The following ADK variants were observed in gnomAD, a reference collection of about 807,000 sequenced individuals.
The protein encoded by ADK is N6,N6-dimethyladenosine kinase.
ADK carries 24 observed loss-of-function variants against 44.7 expected under a neutral mutation model. That is an observed-to-expected ratio of 0.54 (90% CI 0.39 to 0.76). The LOEUF (loss-of-function observed/expected upper bound fraction) is 0.76, where lower values mean the gene tolerates loss of function less well. Ranked by LOEUF, ADK falls within the 30% of genes least tolerant of loss-of-function variation. ADK has a pLI of 0.00. For synonymous variants in ADK, 128 were observed against 142.6 expected (o/e 0.90, Z 0.73); for missense variants, 321 against 425.1 (o/e 0.76, Z 2.15).
chr10:74,368,625 T>C (rs1188579243), intron 4 of ADK, among the ~76,000 whole-genome samples: 1 of 151,968 alleles, frequency 6.6e-6, no homozygotes, highest in Non-Finnish European at 1.5e-5. Flanking sequence ...AGTTTCTGTC[T>C]GAAATATTCT....
At chr10:74,365,552 G>A (rs1273710213) in intron 4 of ADK, among the ~76,000 whole-genome samples, 1 of 152,110 alleles carries the variant, frequency 6.6e-6, no homozygotes, top group Non-Finnish European at 1.5e-5. Flanking sequence ...TCTGCCTTTT[G>A]AATGCCTGAT....
Position 74,568,882 on chromosome 10 carries a change from C to T in ADK, c.727-20400C>T, listed in dbSNP as rs185968107. ...TGTTGGTGTGCTGCACCCAGTGACT[C>T]GTCATTTAACATTAGGTATATCTCC... On this transcript the variant is annotated intron_variant, in intron 7 of 10. Transcript: ENST00000539909. Among the ~76,000 whole-genome samples the T allele has an allele frequency of 4.0e-3, 609 of 151,602 alleles. 8 individuals are homozygous for T. The highest frequency in any genetic ancestry group is 0.013 in the African/African-American group (542 of 41,292).
chr10:74,554,209 CT>C (rs962230926), intron 7 of ADK, among the ~76,000 whole-genome samples: 18 of 151,954 alleles, frequency 1.2e-4, no homozygotes, highest in Admixed American at 8.5e-4. Flanking sequence ...CCCTCCTGTC[CT>C]TTTTTTATTA....
intron 9 of ADK, among the ~76,000 whole-genome samples, chr10:74,631,423 G>T (rs866576891): frequency 1.4e-3 from 182 of 132,596 alleles, no homozygotes; most frequent in East Asian, 3.7e-3. Context: ...TTTTTGTTTT[G>T]TTTTTTTTTT....
chr10:74,215,468 G>T (rs1017901691), intron 2 of ADK, among the ~76,000 whole-genome samples: 1 of 151,098 alleles, frequency 6.6e-6, no homozygotes, highest in Non-Finnish European at 1.5e-5. Context: ...CTGCCACCAC[G>T]CCTGGCTAAT....
chr10:74,570,956 C>T (rs575219145), intron 7 of ADK, among the ~76,000 whole-genome samples: 7 of 152,224 alleles, frequency 4.6e-5, no homozygotes, highest in Admixed American at 1.3e-4. Context: ...TTTTGAGATA[C>T]GTCCCATCAA....
intron 1 of ADK, among the ~76,000 whole-genome samples, chr10:74,182,257 A>G (rs1419722791): frequency 6.6e-6 from 1 of 150,468 alleles, no homozygotes; most frequent in African/African-American, 2.5e-5. Flanking sequence ...AATTTTTTTT[A>G]TGCTGTGGGA....
chr10:74,359,637 G>A (rs983681640), intron 4 of ADK, among the ~76,000 whole-genome samples: 3 of 152,148 alleles, frequency 2.0e-5, no homozygotes, highest in African/African-American at 7.2e-5. Flanking sequence ...TTGGGCCCAG[G>A]TGGTCAAGGC....
chr10:74,596,941 T>C (rs1851947060), intron 8 of ADK, among the ~76,000 whole-genome samples: 1 of 152,214 alleles, frequency 6.6e-6, no homozygotes. Context: ...GAAGTTAAGA[T>C]TTAATGAGCA....
intron 6 of ADK, among the ~76,000 whole-genome samples, chr10:74,481,789 C>T (rs1338244820): frequency 6.6e-6 from 1 of 152,050 alleles, no homozygotes; most frequent in Non-Finnish European, 1.5e-5. Flanking sequence ...AGCTATTTTA[C>T]ATGAGGTTTA....
chr10:74,361,132 C>T (rs1025828243), intron 4 of ADK, among the ~76,000 whole-genome samples: 3 of 152,162 alleles, frequency 2.0e-5, no homozygotes, highest in South Asian at 2.1e-4. Flanking sequence ...TCTCAAACTC[C>T]GGACCTCATG....
intron 8 of ADK, among the ~76,000 whole-genome samples, 180 bp downstream of exon 8, chr10:74,589,497 T>C (rs1851644645): frequency 6.6e-6 from 1 of 152,180 alleles, no homozygotes; most frequent in Non-Finnish European, 1.5e-5. Flanking sequence ...TATGACGCAC[T>C]CTGCTAGGTC....
At chr10:74,304,501 G>A (rs1266286767) in intron 3 of ADK, among the ~76,000 whole-genome samples, 3 of 152,094 alleles carry the variant, frequency 2.0e-5, no homozygotes, top group African/African-American at 4.8e-5. Context: ...TGTGTTAATC[G>A]AAAATTTATG....
chr10:74,568,235 G>A (rs1189855904), intron 7 of ADK, among the ~76,000 whole-genome samples: 1 of 152,094 alleles, frequency 6.6e-6, no homozygotes, highest in Admixed American at 6.5e-5. Context: ...TCTTTTAATT[G>A]TGACCAAAGG....
intron 3 of ADK, among the ~76,000 whole-genome samples, chr10:74,284,034 C>A (rs2132454225): frequency 6.6e-6 from 1 of 152,128 alleles, no homozygotes; most frequent in Admixed American, 6.5e-5. Flanking sequence ...TCTTGGCTCA[C>A]TGCAACCTCC....
chr10:74,344,563 C>T (rs1362832867), intron 4 of ADK: 1 of 253,874 alleles, frequency 3.9e-6, no homozygotes, highest in Non-Finnish European at 8.4e-6. Context: ...GCCAAGTAGT[C>T]CTGCTTTGGC....
intron 1 of ADK, among the ~76,000 whole-genome samples, chr10:74,192,002 G>A (rs141629320): frequency 6.6e-6 from 1 of 152,206 alleles, no homozygotes; most frequent in Non-Finnish European, 1.5e-5. Flanking sequence ...TTGTAACTTC[G>A]AGAGTGTTAT....
chr10:74,657,358 T>C (rs1854526043), intron 9 of ADK, among the ~76,000 whole-genome samples: 1 of 152,244 alleles, frequency 6.6e-6, no homozygotes, highest in South Asian at 2.1e-4. Flanking sequence ...TTGGGAAAGG[T>C]TGTGCAAGGT....
chr10:74,436,272 C>T (rs1845175080), intron 6 of ADK, among the ~76,000 whole-genome samples: 1 of 151,990 alleles, frequency 6.6e-6, no homozygotes, highest in Non-Finnish European at 1.5e-5. Context: ...ATAATAAACT[C>T]TTTAAATGCT....
Sources: allele counts gnomAD v4.1 joint callset (sites outside exome capture counted in the v4.1 genomes callset), GRCh38; gene constraint gnomAD v4.1.1; transcripts MANE v1.5; gene names NCBI Gene and HGNC (gene_info 2026-07-23, HGNC 2026-07-21).